Variants in ZNF716 observed in about 807,000 individuals in gnomAD.
ZNF716 encodes zinc finger protein 716.
ZNF716 carries 9 observed loss-of-function variants against 13.4 expected under a neutral mutation model. The observed-to-expected ratio is 0.67, with a 90% confidence interval of 0.41 to 1.18. ZNF716 has a LOEUF of 1.18. Among genes scored for constraint, ZNF716 ranks in the 50% most tolerant of loss-of-function variants. ZNF716 has a pLI of 0.01. For missense variants in ZNF716, 581 were observed against 576.6 expected (o/e 1.01, Z -0.08); for synonymous variants, 186 against 195.2 (o/e 0.95, Z 0.39).
chr7:57,458,027 T>C (rs7806259), intron 1 of ZNF716, among the ~76,000 whole-genome samples: 58,394 of 152,104 alleles, frequency 0.38, 11,413 homozygotes, highest in East Asian at 0.51. Flanking sequence ...ATGGTCTTTA[T>C]GTACCACATT....
At chr7:57,462,383 A>G (rs1554323253) in intron 1 of ZNF716, 77 bp from the exon 2 acceptor site, 3 of 1,524,912 alleles carry the variant, frequency 2.0e-6, no homozygotes, top group South Asian at 1.2e-5. Flanking sequence ...TCAAATAAAA[A>G]TCTCTGCCTA....
chr7:57,460,731 T>C (rs1261668024), intron 1 of ZNF716, among the ~76,000 whole-genome samples: 1 of 152,068 alleles, frequency 6.6e-6, no homozygotes. Flanking sequence ...ACAGTTGTCT[T>C]TGGTATTAGT....
chr7:57,466,727 AT>A (rs1482469825), intron 3 of ZNF716, among the ~76,000 whole-genome samples: 2 of 152,128 alleles, frequency 1.3e-5, no homozygotes, highest in Non-Finnish European at 2.9e-5. Flanking sequence ...TGCAGAATGA[AT>A]TAATACACTA....
chr7:57,464,335 G>T (rs1554323705), intron 3 of ZNF716, among the ~76,000 whole-genome samples: 2 of 151,776 alleles, frequency 1.3e-5, no homozygotes, highest in African/African-American at 4.8e-5. Context: ...TGTTCAGGCT[G>T]GTCTTGAATT....
At chr7:57,468,144 T>A (rs1170934074) in intron 3 of ZNF716, among the ~76,000 whole-genome samples, 3 of 152,180 alleles carry the variant, frequency 2.0e-5, no homozygotes, top group Admixed American at 6.6e-5. Context: ...TGTATTTATT[T>A]TTCAGTTAAA....
chr7:57,469,011 C>T lies in ZNF716; in HGVS notation c.550C>T (p.His184Tyr), dbSNP rs782648086. 2 of 1,607,872 alleles carry T rather than the reference C, an allele frequency of 1.2e-6. No individual in the cohort carries two copies. The highest frequency in any genetic ancestry group is 4.5e-5 in the East Asian group (2 of 44,610). ...CAAGACAAGACATACTGGAAAGAAA[C>T]ATTTCAAATGTAAAAACGATGGCAA... ...RHKTRHTGKK[H>Y]FKCKNDGKSF... Residue 184 changes from histidine (H) to tyrosine (Y), a missense_variant, in exon 4 of 4, where the codon CAT (histidine) becomes TAT (tyrosine). By Grantham distance (83) the His-to-Tyr change is moderately conservative. Coordinates refer to ENST00000420713, the MANE Select transcript of ZNF716 (RefSeq NM_001159279.1).
rs370882815 is a variant in ZNF716 at position 57,469,013 on chromosome 7, T to C, written c.552T>C (p.His184=). The part of the protein sequence containing the change: ...RHKTRHTGKK[H]FKCKNDGKSF... ...AGACAAGACATACTGGAAAGAAACA[T>C]TTCAAATGTAAAAACGATGGCAAAT... The change falls in exon 4 of 4, where the codon CAT becomes CAC. Residue 184 remains histidine (H), a synonymous_variant. Transcript: ENST00000420713. 10 of 1,607,944 alleles carry C rather than the reference T, an allele frequency of 6.2e-6. No homozygotes were observed. In the African/African-American group the frequency reaches 1.3e-4, roughly 21 times the overall value.
chr7:57,450,611 C>G (rs1195126469), intron 1 of ZNF716, among the ~76,000 whole-genome samples: 1 of 152,078 alleles, frequency 6.6e-6, no homozygotes, highest in Admixed American at 6.6e-5. Flanking sequence ...CTCACCCAGA[C>G]TGTGCAGGGA....
chr7:57,458,326 T>G (rs1428624488), intron 1 of ZNF716, among the ~76,000 whole-genome samples: 1 of 152,246 alleles, frequency 6.6e-6, no homozygotes, highest in Non-Finnish European at 1.5e-5. Flanking sequence ...GGTTTCTGAC[T>G]GTGTTTATTT....
rs572903922 is a variant in ZNF716 at position 57,462,117 on chromosome 7, C to T, written c.40-343C>T. ...GGAGGTTGCAGTGAGCCAATTATCACGCCACTGCACTCCAGCCTGGGCAAC... is the reference window on the plus strand; with the variant it reads ...GGAGGTTGCAGTGAGCCAATTATCATGCCACTGCACTCCAGCCTGGGCAAC... On this transcript the variant is annotated intron_variant, in intron 1 of 3. Transcript: ENST00000420713. 1.2e-3 allele frequency among the ~76,000 whole-genome samples: 180 copies of T among 150,852 alleles called. 2 individuals carry two copies. The South Asian group carries it at 0.024, about 20-fold the overall frequency.
rs1271056437 is a variant in ZNF716 at position 57,472,330 on chromosome 7, T to C, written c.*2381T>C. On this transcript the variant is annotated 3_prime_UTR_variant, in exon 4 of 4. Transcript: ENST00000420713. The stretch of plus-strand genomic sequence containing the variant: ...AGTTGTTTTTAATGAGCTAAAACTA[T>C]TGTGCTTTGAAAGAAGTATTAAGCT... The C allele has an allele frequency of 6.6e-6, 1 of 152,228 alleles. No homozygotes were observed. The highest frequency in any genetic ancestry group is 1.9e-4 in the East Asian group (1 of 5,200). The allele number at this position is 152,228 out of a possible 1,614,324, so 9.4% of individuals were successfully genotyped here. A position where few individuals can be genotyped will look rare whatever the true frequency, so the allele number is the denominator to read the frequency against.
intron 1 of ZNF716, among the ~76,000 whole-genome samples, chr7:57,456,602 A>G (rs1377590356): frequency 6.6e-6 from 1 of 151,972 alleles, no homozygotes; most frequent in African/African-American, 2.4e-5. Flanking sequence ...GAGCATGGTG[A>G]CGGGTGCCTG....
At position 57,450,217 on chromosome 7, in the gene ZNF716, C is replaced by T. The variant is rs1376754763; in HGVS notation, c.-72C>T. 11 of 1,606,888 alleles carry T rather than the reference C, an allele frequency of 6.8e-6. No individual in the cohort carries two copies. Among genetic ancestry groups the T allele is most frequent in the Non-Finnish European group, 9.4e-6 (11 of 1,175,414 alleles). On this transcript the variant is annotated 5_prime_UTR_variant, in exon 1 of 4. Coordinates refer to ENST00000420713, the MANE Select transcript of ZNF716 (RefSeq NM_001159279.1). The stretch of plus-strand genomic sequence containing the variant: ...CGCCCAGAGCTCCAGTCCTTCTCTT[C>T]ACTGCTCTGCGTCCTCTGCTCCTGG...
rs782276048 is a variant in ZNF716 at position 57,469,858 on chromosome 7, G to A, written c.1397G>A (p.Cys466Tyr). ...RIHTGEKPYKCEECDQTFKWH... is the reference protein window; with the variant it reads ...RIHTGEKPYKYEECDQTFKWH... ...CATACTGGAGAGAAACCCTACAAAT[G>A]TGAAGAATGTGACCAAACTTTTAAG... Residue 466 changes from cysteine to tyrosine, a missense_variant, in exon 4 of 4, where the codon TGT becomes TAT. Physicochemically the swap from Cys to Tyr is radical, Grantham distance 194. Transcript: ENST00000420713. 6 of 1,601,550 alleles carry A rather than the reference G, an allele frequency of 3.7e-6. No homozygotes were observed. The highest frequency in any genetic ancestry group is 1.1e-5 in the South Asian group (1 of 89,736).
At chr7:57,465,253 G>C (rs1344511996) in intron 3 of ZNF716, among the ~76,000 whole-genome samples, 5 of 152,158 alleles carry the variant, frequency 3.3e-5, no homozygotes, top group Admixed American at 2.0e-4. Flanking sequence ...ATACATTGAA[G>C]AGTGTGTTTA....
intron 3 of ZNF716, among the ~76,000 whole-genome samples, chr7:57,463,637 T>TA (rs1376765645): frequency 1.7e-5 from 1 of 57,924 alleles, no homozygotes; most frequent in Non-Finnish European, 3.9e-5. Context: ...GACATATAAA[T>TA]TTTTTTTACA....
rs1483661029 is a variant in ZNF716 at position 57,473,075 on chromosome 7, A to G, written c.*3126A>G. The G allele has an allele frequency of 6.6e-6, 1 of 152,182 alleles. No individual in the cohort carries two copies. Among genetic ancestry groups the G allele is most frequent in the Non-Finnish European group, 1.5e-5 (1 of 68,034 alleles). The allele number at this position is 152,182 out of a possible 1,614,324, so 9.4% of individuals were successfully genotyped here. On this transcript the variant is annotated 3_prime_UTR_variant, in exon 4 of 4. Transcript: ENST00000420713. ...ACAGGGTCATTTTATGATCATAAAA[A>G]TTACATGAGTATAATTAATACCCAT... is the stretch of plus-strand genomic sequence containing the variant.
At chr7:57,467,631 CTCCCAAGATTATCTTCTAGTTTG>C (rs1251618017) in intron 3 of ZNF716, among the ~76,000 whole-genome samples, 3 of 152,056 alleles carry the variant, frequency 2.0e-5, no homozygotes, top group Non-Finnish European at 4.4e-5. Flanking sequence ...TATCTTGCAG[CTCCCAAGATTATCTTCTAGTTTG>C]TGACTTTTGA....
Position 57,470,561 on chromosome 7 carries a change from CT to C in ZNF716, c.*616del, listed in dbSNP as rs1789911853. On this transcript the variant is annotated 3_prime_UTR_variant, in exon 4 of 4. Transcript: ENST00000420713. ...ACCCTACAAAAACAATGTGGTAAAG[CT>C]TTTACCTAGTCTTGAACCCTTATTA... is the stretch of plus-strand genomic sequence containing the variant. 1 of 152,698 alleles carries C rather than the reference CT, an allele frequency of 6.5e-6. No homozygotes were observed. The highest frequency in any genetic ancestry group is 2.1e-4 in the South Asian group (1 of 4,834). The allele number at this position is 152,698 out of a possible 1,614,324, so 9.5% of individuals were successfully genotyped here. A position where few individuals can be genotyped will look rare whatever the true frequency, so the allele number is the denominator to read the frequency against.
Sources: gnomAD v4.1 joint callset for allele counts (sites outside exome capture counted in the v4.1 genomes callset) on GRCh38, gnomAD v4.1.1 for gene constraint, MANE v1.5 for transcripts, NCBI Gene and HGNC (gene_info 2026-07-23, HGNC 2026-07-21) for gene names.